MYH10: variants seen among roughly 807,000 people sequenced by gnomAD.
MYH10 encodes myosin-10.
MYH10 carries 55 observed loss-of-function variants against 257.8 expected under a neutral mutation model. The observed-to-expected ratio is 0.21, with a 90% CI of 0.17 to 0.27. MYH10 has a LOEUF of 0.27. MYH10 is among the 10% of genes least tolerant of loss of function. The pLI, the probability that MYH10 is intolerant of heterozygous loss-of-function variation, is 1.00. For missense variants in MYH10, 1,631 were observed against 2,500.6 expected (o/e 0.65, Z 7.42); for synonymous variants, 854 against 921.7 (o/e 0.93, Z 1.33).
rs556770462 is a variant in MYH10 at position 8,489,844 on chromosome 17, A to G, written c.4884+496T>C. On this transcript the variant is annotated intron_variant, in intron 35 of 42. Transcript: ENST00000360416. ...GTTTTAGACTAGAAATTTAACATAT[A>G]TGCAGAAAAGTGTCTAATATACATT... 7.2e-5 allele frequency among the ~76,000 whole-genome samples: 11 copies of G among 152,356 alleles called. No homozygotes were observed. In the South Asian group the frequency reaches 1.0e-3, roughly 14 times the overall value.
At chr17:8,606,418 G>A (rs1435461381) in intron 2 of MYH10, among the ~76,000 whole-genome samples, 2 of 152,144 alleles carry the variant, frequency 1.3e-5, no homozygotes, top group Non-Finnish European at 2.9e-5. Flanking sequence ...AGGTGATTTG[G>A]GTAGACCAAA....
chr17:8,601,960 C>A (rs1226655738), intron 3 of MYH10, among the ~76,000 whole-genome samples: 2 of 149,058 alleles, frequency 1.3e-5, no homozygotes, highest in Non-Finnish European at 3.0e-5. Context: ...AAATACATTT[C>A]ATGCAAGAAA....
chr17:8,629,663 C>A (rs1157214474), intron 1 of MYH10, among the ~76,000 whole-genome samples: 1 of 152,182 alleles, frequency 6.6e-6, no homozygotes, highest in African/African-American at 2.4e-5. Context: ...TGACCCCCAA[C>A]TGCAGAAGGC....
intron 30 of MYH10, 105 bp downstream of exon 30, chr17:8,499,165 C>T (rs182246741): frequency 1.0e-4 from 116 of 1,110,856 alleles, no homozygotes; most frequent in African/African-American, 9.2e-4. Context: ...TTTCAGGTGT[C>T]GCACAGCACA....
intron 7 of MYH10, among the ~76,000 whole-genome samples, chr17:8,556,903 T>C (rs2082824273): frequency 6.6e-6 from 1 of 152,190 alleles, no homozygotes; most frequent in African/African-American, 2.4e-5. Flanking sequence ...CTGTGAAGCA[T>C]TCTATAACAT....
chr17:8,500,062 G>C (rs927743310), intron 29 of MYH10, among the ~76,000 whole-genome samples: 1 of 152,214 alleles, frequency 6.6e-6, no homozygotes, highest in Non-Finnish European at 1.5e-5. Flanking sequence ...CTGTGCCACA[G>C]GGTTGTAGCA....
At chr17:8,628,081 G>T (rs1003716502) in intron 1 of MYH10, among the ~76,000 whole-genome samples, 13 of 152,108 alleles carry the variant, frequency 8.5e-5, no homozygotes, top group Admixed American at 2.0e-4. Context: ...ATCAATTACG[G>T]CTTAAAAAGT....
In MYH10 at chr17:8,490,225, G is replaced by T; in HGVS notation, c.4884+115C>A. ...ACCAAATAAATTCATTTTACTCTAT[G>T]TGTTACTCTGTGTTTACTCAGATGT... On this transcript the variant is annotated intron_variant, in intron 35 of 42. Transcript: ENST00000360416. This position sits in a 1 kb window ranked among gnomAD's most constrained non-coding sequence, Gnocchi z 4.1. The T allele has an allele frequency of 1.2e-6, 1 of 826,974 alleles. No homozygotes were observed. Among genetic ancestry groups the T allele is most frequent in the Non-Finnish European group, 2.0e-6 (1 of 498,116 alleles). The allele number at this position is 826,974 out of a possible 1,614,324, so 51.2% of individuals were successfully genotyped here. A position where few individuals can be genotyped will look rare whatever the true frequency, so the allele number is the denominator to read the frequency against.
intron 2 of MYH10, among the ~76,000 whole-genome samples, chr17:8,606,708 G>A (rs1012384906): frequency 8.5e-5 from 13 of 152,202 alleles, no homozygotes; most frequent in African/African-American, 3.1e-4. Context: ...GATGTGGAAC[G>A]CACTTCCTAC....
chr17:8,510,470 A>T (rs1360605611), intron 24 of MYH10, among the ~76,000 whole-genome samples: 1 of 152,204 alleles, frequency 6.6e-6, no homozygotes, highest in Non-Finnish European at 1.5e-5. Context: ...CCTTTCAACC[A>T]GCAATTTCAG....
chr17:8,532,931 G>C (rs2082043634), intron 16 of MYH10, among the ~76,000 whole-genome samples: 1 of 152,152 alleles, frequency 6.6e-6, no homozygotes, highest in African/African-American at 2.4e-5. Flanking sequence ...ACTAAAAAAG[G>C]GTTCATAGTG....
intron 9 of MYH10, 26 bp from the exon 10 acceptor site, chr17:8,548,813 AT>A: frequency 6.3e-7 from 1 of 1,583,130 alleles, no homozygotes; most frequent in Non-Finnish European, 8.7e-7. Context: ...ATGGAAGAAA[AT>A]TTGATAAATA....
intron 35 of MYH10, among the ~76,000 whole-genome samples, chr17:8,489,708 A>ACACACTCACACACAC (rs1555570829): frequency 1.1e-5 from 1 of 93,084 alleles, no homozygotes; most frequent in African/African-American, 3.7e-5. Context: ...CGTCTGAAAA[A>ACACACTCACACACAC]ACACACACAC....
At chr17:8,573,259 G>A (rs1043208383) in intron 6 of MYH10, among the ~76,000 whole-genome samples, 2 of 152,218 alleles carry the variant, frequency 1.3e-5, no homozygotes, top group Non-Finnish European at 2.9e-5. Context: ...CAGCCCGCAA[G>A]GGGACTCAGG....
At chr17:8,623,938 C>T (rs2085572660) in intron 1 of MYH10, among the ~76,000 whole-genome samples, 1 of 152,148 alleles carries the variant, frequency 6.6e-6, no homozygotes, top group African/African-American at 2.4e-5. Flanking sequence ...GGCCTCTATT[C>T]CCATCCTGCA....
chr17:8,589,249 C>CCATT (rs1177683967), intron 3 of MYH10, 141 bp from the exon 4 acceptor site: 6 of 728,854 alleles, frequency 8.2e-6, no homozygotes, highest in Non-Finnish European at 1.4e-5. Context: ...GCCTCCAACC[C>CCATT]CATTATACAG....
In MYH10 at chr17:8,589,138, A is replaced by C. The variant is rs2084025744; in HGVS notation, c.503-30T>G. 3.1e-6 allele frequency: 5 copies of C among 1,608,188 alleles called. No homozygotes were observed. The Admixed American group carries it at 6.8e-5, about 22-fold the overall frequency. On this transcript the variant is annotated intron_variant, in intron 3 of 42. Coordinates refer to ENST00000360416, the MANE Select transcript of MYH10 (RefSeq NM_001256012.3). The stretch of plus-strand genomic sequence containing the variant: ...AAAACAGAACAAAACAAACAAAAAA[A>C]AGAAAGTGACCATTTGCCTGGTTTT...
Position 8,477,107 on chromosome 17 carries a change from C to A in MYH10, c.5707-59G>T, listed in dbSNP as rs761567111. 1.9e-6 allele frequency: 3 copies of A among 1,594,638 alleles called. No homozygotes were observed. The highest frequency in any genetic ancestry group is 2.6e-6 in the Non-Finnish European group (3 of 1,167,852). ...ACTGGTGAATCCAGTGTCGGCCTCT[C>A]TGTACCCCGAGCGTGGCAGTGTGGG... On this transcript the variant is annotated intron_variant, in intron 41 of 42. Coordinates refer to ENST00000360416, the MANE Select transcript of MYH10 (RefSeq NM_001256012.3). This position sits in a 1 kb window ranked among gnomAD's most constrained non-coding sequence, Gnocchi z 4.2.
intron 31 of MYH10, among the ~76,000 whole-genome samples, chr17:8,494,887 G>A (rs1388657266): frequency 6.6e-6 from 1 of 152,250 alleles, no homozygotes; most frequent in Non-Finnish European, 1.5e-5. Context: ...CAGCGGCCGT[G>A]AATGGCAGCT....
Sources: allele counts gnomAD v4.1 joint callset (sites outside exome capture counted in the v4.1 genomes callset), GRCh38; gene constraint gnomAD v4.1.1; non-coding constraint Gnocchi (gnomAD v3.1); transcripts MANE v1.5; gene names NCBI Gene and HGNC (gene_info 2026-07-23, HGNC 2026-07-21).